RB1: variants seen among roughly 807,000 people sequenced by gnomAD.
The protein encoded by RB1 is RB transcriptional corepressor 1, also known as retinoblastoma-associated protein.
Under a neutral mutation model 135.4 loss-of-function variants are expected in RB1, and 18 were observed. That is an observed-to-expected ratio of 0.13 (90% CI 0.09 to 0.20). The LOEUF (loss-of-function observed/expected upper bound fraction) is 0.20, where lower values mean the gene tolerates loss of function less well. Among genes scored for constraint, RB1 ranks in the 10% least tolerant of loss-of-function variants. RB1 has a pLI of 1.00. For missense variants in RB1, 868 were observed against 1,110.0 expected, an observed-to-expected ratio of 0.78 and a Z score of 3.10; for synonymous variants, 365 against 373.2, an observed-to-expected ratio of 0.98 and a Z score of 0.25.
At chr13:48,359,892 A>G (rs899435199) in intron 6 of RB1, 125 bp from the exon 7 acceptor site, 29 of 1,370,700 alleles carry the variant, frequency 2.1e-5, no homozygotes, top group Non-Finnish European at 2.7e-5. Context: ...AAGAAAGAAA[A>G]TCTTTACCAT....
At chr13:48,448,977 T>C (rs934465733) in intron 17 of RB1, among the ~76,000 whole-genome samples, 2 of 152,252 alleles carry the variant, frequency 1.3e-5, no homozygotes, top group African/African-American at 4.8e-5. Flanking sequence ...TAATGGCTTT[T>C]TTAAAACTTG....
intron 2 of RB1, among the ~76,000 whole-genome samples, chr13:48,322,919 A>AT (rs200779520): frequency 0.064 from 9,543 of 148,292 alleles, 799 homozygotes; most frequent in African/African-American, 0.19. Context: ...TGGTTTGCTA[A>AT]TTTTTTTTTT....
chr13:48,462,244 C>G (rs1279017532), intron 20 of RB1, among the ~76,000 whole-genome samples: 1 of 152,044 alleles, frequency 6.6e-6, no homozygotes, highest in East Asian at 1.9e-4. Flanking sequence ...CCACTTCTGC[C>G]TCCTGAGTAG....
Position 48,323,112 on chromosome 13 carries a change from A to G in RB1, c.264+15706A>G, listed in dbSNP as rs575140841. 7.9e-5 allele frequency among the ~76,000 whole-genome samples: 12 copies of G among 152,144 alleles called. No individual in the cohort carries two copies. The East Asian group carries it at 2.3e-3, about 29-fold the overall frequency. ...AGAATAGATATTAATTCTTCTTTAA[A>G]TATTTGGTAGAATTCATCAGTGATG... On this transcript the variant is annotated intron_variant, in intron 2 of 26. Transcript: ENST00000267163.
chr13:48,311,290 T>G (rs918774516), intron 2 of RB1, among the ~76,000 whole-genome samples: 1 of 152,208 alleles, frequency 6.6e-6, no homozygotes, highest in Non-Finnish European at 1.5e-5. Context: ...TAGAACCACT[T>G]ACTTATTTTT....
chr13:48,365,407 A>G (rs887289672), intron 9 of RB1, among the ~76,000 whole-genome samples: 5 of 152,206 alleles, frequency 3.3e-5, no homozygotes, highest in African/African-American at 1.2e-4. Context: ...GAACTGCTTA[A>G]TTGAAAATAC....
chr13:48,379,044 C>A (rs557781917), intron 13 of RB1, among the ~76,000 whole-genome samples: 1 of 152,184 alleles, frequency 6.6e-6, no homozygotes, highest in East Asian at 1.9e-4. Flanking sequence ...TGATTTTTGC[C>A]TGTGTCAGTT....
At position 48,405,477 on chromosome 13, in the gene RB1, C is replaced by T. The variant is rs1356989691; in HGVS notation, c.1695+24034C>T. On this transcript the variant is annotated intron_variant, in intron 17 of 26. Coordinates refer to ENST00000267163, the MANE Select transcript of RB1 (RefSeq NM_000321.3). ...TGTTTTTCTCCCATCCTTGTTGGCCCATAGTTTTGACTGCATATAACAGGA... is the reference window on the plus strand; with the variant it reads ...TGTTTTTCTCCCATCCTTGTTGGCCTATAGTTTTGACTGCATATAACAGGA... Among the ~76,000 whole-genome samples, 4 of 152,244 alleles carry T rather than the reference C, an allele frequency of 2.6e-5. No individual in the cohort carries two copies. In the East Asian group the frequency reaches 5.8e-4, roughly 22 times the overall value.
Position 48,380,103 on chromosome 13 carries a change from G to A in RB1, c.1421+19G>A, listed in dbSNP as rs1215973386. ...ATTTTAGGTAAATTTTTTACTTTTA[G>A]TAAAAAATTTTTTTCTTTTTATAGA... On this transcript the variant is annotated intron_variant, in intron 15 of 26. Transcript: ENST00000267163. The A allele has an allele frequency of 1.6e-4, 229 of 1,396,818 alleles. No individual in the cohort carries two copies. In the East Asian group the frequency reaches 6.2e-3, roughly 38 times the overall value. The allele number at this position is 1,396,818 out of a possible 1,614,324, so 86.5% of individuals were successfully genotyped here. A position where few individuals can be genotyped will look rare whatever the true frequency, so the allele number is the denominator to read the frequency against.
intron 17 of RB1, chr13:48,411,970 C>T (rs1021205792): frequency 3.8e-6 from 6 of 1,595,972 alleles, no homozygotes; most frequent in East Asian, 2.3e-5. Flanking sequence ...TGAACAAAAA[C>T]GGCGGGTGCA....
intron 2 of RB1, among the ~76,000 whole-genome samples, chr13:48,311,631 T>G (rs1425479770): frequency 6.6e-6 from 1 of 152,226 alleles, no homozygotes; most frequent in African/African-American, 2.4e-5. Context: ...TTTTACTAAT[T>G]ATTGAGGGAG....
At chr13:48,329,913 T>C (rs1952318310) in intron 2 of RB1, among the ~76,000 whole-genome samples, 1 of 152,078 alleles carries the variant, frequency 6.6e-6, no homozygotes, top group Non-Finnish European at 1.5e-5. Context: ...TTCTCCAGGA[T>C]CAATCATATG....
chr13:48,424,234 A>G (rs935656559), intron 17 of RB1: 1 of 152,300 alleles, frequency 6.6e-6, no homozygotes, highest in Non-Finnish European at 1.5e-5. Flanking sequence ...CTAAGGAGAA[A>G]AAATCTTAAA....
chr13:48,463,627 A>T, intron 20 of RB1, 104 bp from the exon 21 acceptor site: 1 of 777,714 alleles, frequency 1.3e-6, no homozygotes, highest in South Asian at 1.5e-5. Flanking sequence ...AACTCTGTAG[A>T]TTAAACCTTT....
intron 2 of RB1, among the ~76,000 whole-genome samples, chr13:48,307,699 C>CAAA (rs11452683): frequency 8.5e-5 from 11 of 129,698 alleles, no homozygotes; most frequent in South Asian, 2.4e-4. Flanking sequence ...TACTAAAATA[C>CAAA]AAAAAAAAAA....
At chr13:48,462,441 G>GTT (rs1181864044) in intron 20 of RB1, among the ~76,000 whole-genome samples, 8 of 152,144 alleles carry the variant, frequency 5.3e-5, no homozygotes, top group African/African-American at 1.9e-4. Context: ...TTTTTTAATA[G>GTT]AGTTATTTGT....
intron 2 of RB1, chr13:48,320,147 C>T (rs1305898693): frequency 3.7e-6 from 3 of 802,082 alleles, no homozygotes; most frequent in Admixed American, 2.4e-5. Context: ...CCAAAGTCTG[C>T]AGTTTCCTCC....
Position 48,480,014 on chromosome 13 carries a change from A to T in RB1, c.2730A>T (p.Arg910=), listed in dbSNP as rs1245341503. Reference sequence around the variant, plus strand: ...TTTTTCCAGCTTCTACTCGAACACGAATGCAAAAGCAGAAAATGAATGATA... The same window carrying T: ...TTTTTCCAGCTTCTACTCGAACACGTATGCAAAAGCAGAAAATGAATGATA... ...KLAEMTSTRT[R]MQKQKMNDSM... The change falls in exon 27 of 27, where the codon CGA becomes CGT. Residue 910 remains arginine (R), a synonymous_variant. Coordinates refer to ENST00000267163, the MANE Select transcript of RB1 (RefSeq NM_000321.3). 1 of 1,613,426 alleles carries T rather than the reference A, an allele frequency of 6.2e-7. No homozygotes were observed. The highest frequency in any genetic ancestry group is 8.5e-7 in the Non-Finnish European group (1 of 1,179,524).
At chr13:48,454,840 T>A (rs1210808668) in intron 18 of RB1, among the ~76,000 whole-genome samples, 3 of 152,184 alleles carry the variant, frequency 2.0e-5, no homozygotes, top group African/African-American at 7.2e-5. Flanking sequence ...CAAACTTAGC[T>A]GGATTTAGGA....
Sources: allele counts gnomAD v4.1 joint callset (sites outside exome capture counted in the v4.1 genomes callset), GRCh38; gene constraint gnomAD v4.1.1; transcripts MANE v1.5; gene names NCBI Gene and HGNC (gene_info 2026-07-23, HGNC 2026-07-21).